GABRG3: variants seen among roughly 807,000 people sequenced by gnomAD.
GABRG3 encodes gamma-aminobutyric acid type A receptor subunit gamma3.
In GABRG3, 25 loss-of-function variants were observed where a neutral mutation model predicts 48.8. That is an observed-to-expected ratio of 0.51 (90% CI 0.37 to 0.72). The LOEUF is 0.72. Among genes scored for constraint, GABRG3 ranks in the 30% least tolerant of loss-of-function variants. GABRG3 has a pLI of 0.00. For synonymous variants in GABRG3, 227 were observed against 217.6 expected (o/e 1.04, Z -0.38); for missense variants, 394 against 577.9 (o/e 0.68, Z 3.26).
At chr15:27,087,985 GTC>G (rs959440574) in intron 3 of GABRG3, among the ~76,000 whole-genome samples, 115 of 150,350 alleles carry the variant, frequency 7.6e-4, no homozygotes, top group African/African-American at 2.4e-3. Flanking sequence ...GCATGTGCGT[GTC>G]TCTGTGTGTG....
intron 3 of GABRG3, among the ~76,000 whole-genome samples, chr15:27,112,142 A>G (rs1220636660): frequency 4.6e-5 from 7 of 152,072 alleles, no homozygotes; most frequent in Admixed American, 3.9e-4. Context: ...CATCATTTCA[A>G]TTCCCATCAT....
intron 6 of GABRG3, among the ~76,000 whole-genome samples, chr15:27,484,445 A>G (rs1054530803): frequency 1.3e-5 from 2 of 152,318 alleles, no homozygotes; most frequent in South Asian, 4.1e-4. Flanking sequence ...TTTTCATTAA[A>G]TGTTATTAAT....
intron 5 of GABRG3, among the ~76,000 whole-genome samples, chr15:27,434,547 CA>C (rs1165355239): frequency 2.0e-5 from 3 of 151,952 alleles, no homozygotes; most frequent in Non-Finnish European, 4.4e-5. Context: ...TTATCAAATC[CA>C]GAATGCAGAA....
rs541679893 is a variant in GABRG3 at position 27,362,199 on chromosome 15, G to T, written c.574+33311G>T. ...CTCAATTAAAATGTATGAAAAGAAT[G>T]TTAAAAGCACAGGAGCAAAGGTAGC... On this transcript the variant is annotated intron_variant, in intron 5 of 9. Transcript: ENST00000615808. 9 of 152,342 alleles carry T rather than the reference G, an allele frequency of 5.9e-5. No individual in the cohort carries two copies. The East Asian group carries it at 1.7e-3, about 29-fold the overall frequency. 9.4% of individuals were successfully genotyped at this position (152,342 alleles called of 1,614,324 possible).
chr15:27,166,410 G>A (rs1463117226), intron 3 of GABRG3, among the ~76,000 whole-genome samples: 2 of 152,114 alleles, frequency 1.3e-5, no homozygotes, highest in East Asian at 3.8e-4. Flanking sequence ...TCTTCTTTGG[G>A]TTTTAGAGTG....
chr15:27,495,259 G>A (rs891329710), intron 6 of GABRG3, among the ~76,000 whole-genome samples: 4 of 152,094 alleles, frequency 2.6e-5, no homozygotes, highest in Non-Finnish European at 4.4e-5. Context: ...TTAGCATAAC[G>A]TCCTGGATGT....
rs1891583866 is a variant in GABRG3 at position 27,537,833 on chromosome 15, T to G, written c.*4952T>G. ...TTTTTATTATTTATTTATTTATTTA[T>G]TTATTTATTTATTTATTTATTTTGA... On this transcript the variant is annotated 3_prime_UTR_variant, in exon 10 of 10. Coordinates refer to ENST00000615808, the MANE Select transcript of GABRG3 (RefSeq NM_033223.5). 6.7e-6 allele frequency: 1 copy of G among 149,846 alleles called. No homozygotes were observed. The highest frequency in any genetic ancestry group is 1.9e-4 in the East Asian group (1 of 5,148). The allele number at this position is 149,846 out of a possible 1,614,324, so 9.3% of individuals were successfully genotyped here.
At chr15:27,195,865 T>C (rs1201206755) in intron 3 of GABRG3, among the ~76,000 whole-genome samples, 2 of 152,088 alleles carry the variant, frequency 1.3e-5, no homozygotes, top group African/African-American at 4.8e-5. Context: ...AAACTCCTGG[T>C]CTCAAGTGAT....
chr15:27,284,449 A>G (rs776701944), intron 3 of GABRG3, among the ~76,000 whole-genome samples: 13 of 152,226 alleles, frequency 8.5e-5, no homozygotes, highest in Non-Finnish European at 1.6e-4. Context: ...AGTATCATCT[A>G]TATACGTAAG....
chr15:27,186,403 A>G lies in GABRG3; in HGVS notation c.271-140406A>G, dbSNP rs571995558. Reference sequence around the variant, plus strand: ...ATATGTACCACATTTTCTTTATCCAATCTAGGTGTTGATGGATATGTAAGT... The same window carrying G: ...ATATGTACCACATTTTCTTTATCCAGTCTAGGTGTTGATGGATATGTAAGT... On this transcript the variant is annotated intron_variant, in intron 3 of 9. Coordinates refer to ENST00000615808, the MANE Select transcript of GABRG3 (RefSeq NM_033223.5). 7.2e-5 allele frequency among the ~76,000 whole-genome samples: 11 copies of G among 152,244 alleles called. No homozygotes were observed. The South Asian group carries it at 8.3e-4, about 11-fold the overall frequency.
At chr15:27,003,361 T>A (rs372485128) in intron 2 of GABRG3, among the ~76,000 whole-genome samples, 35 of 151,742 alleles carry the variant, frequency 2.3e-4, no homozygotes, top group Admixed American at 5.2e-4. Flanking sequence ...TAGGCAGAGG[T>A]CCCTGCGGCC....
At chr15:27,108,843 A>AT (rs892469867) in intron 3 of GABRG3, among the ~76,000 whole-genome samples, 47 of 151,984 alleles carry the variant, frequency 3.1e-4, no homozygotes, top group Admixed American at 8.5e-4. Context: ...ATTTCTAATA[A>AT]TTTTTTTTGT....
chr15:27,051,601 AG>A, intron 3 of GABRG3, among the ~76,000 whole-genome samples: 1 of 152,234 alleles, frequency 6.6e-6, no homozygotes, highest in Non-Finnish European at 1.5e-5. Flanking sequence ...GTGGGGACAC[AG>A]CAGGAAGATA....
At chr15:27,486,855 T>C (rs1890233029) in intron 6 of GABRG3, among the ~76,000 whole-genome samples, 1 of 152,216 alleles carries the variant, frequency 6.6e-6, no homozygotes, top group African/African-American at 2.4e-5. Context: ...TGTCTTTCTT[T>C]AGTAATCATC....
chr15:27,129,900 G>A (rs1021926070), intron 3 of GABRG3, among the ~76,000 whole-genome samples: 1 of 151,910 alleles, frequency 6.6e-6, no homozygotes, highest in East Asian at 1.9e-4. Flanking sequence ...GGTTGTTGTT[G>A]TTGTTGTTTA....
At chr15:27,336,234 G>GAAAA (rs1555372729) in intron 5 of GABRG3, among the ~76,000 whole-genome samples, 1 of 141,056 alleles carries the variant, frequency 7.1e-6, no homozygotes, top group African/African-American at 2.8e-5. Flanking sequence ...GAGAGAGAGA[G>GAAAA]GAGAAGAAAA....
chr15:27,165,942 A>G (rs1011780236), intron 3 of GABRG3, among the ~76,000 whole-genome samples: 8 of 152,096 alleles, frequency 5.3e-5, no homozygotes, highest in Admixed American at 6.5e-5. Flanking sequence ...GAAGTGAGAG[A>G]TGTAAGAAGA....
chr15:27,199,130 A>G (rs1888601371), intron 3 of GABRG3, among the ~76,000 whole-genome samples: 1 of 152,166 alleles, frequency 6.6e-6, no homozygotes, highest in African/African-American at 2.4e-5. Context: ...TGTATCCCAG[A>G]ACTTAAGCAT....
chr15:27,287,213 G>T (rs745941552), intron 3 of GABRG3, among the ~76,000 whole-genome samples: 9 of 152,010 alleles, frequency 5.9e-5, no homozygotes, highest in Non-Finnish European at 1.2e-4. Context: ...AAATGTACAT[G>T]GGAAGAATTA....
Sources: allele counts gnomAD v4.1 joint callset (sites outside exome capture counted in the v4.1 genomes callset), GRCh38; gene constraint gnomAD v4.1.1; transcripts MANE v1.5; gene names NCBI Gene and HGNC (gene_info 2026-07-23, HGNC 2026-07-21).